The following PDCD11 variants were observed in gnomAD, a reference collection of about 807,000 sequenced individuals.
PDCD11 encodes programmed cell death 11.
In PDCD11, 97 loss-of-function variants were observed where a neutral mutation model predicts 198.9. The observed-to-expected ratio is 0.49, with a 90% confidence interval of 0.41 to 0.58. The LOEUF (loss-of-function observed/expected upper bound fraction) is 0.58. Ranked by LOEUF, PDCD11 falls within the 20% of genes least tolerant of loss-of-function variation. The pLI, the probability that PDCD11 is intolerant of heterozygous loss-of-function variation, is 0.00. For missense variants in PDCD11, 2,102 were observed against 2,312.7 expected, an observed-to-expected ratio of 0.91 and a Z score of 1.87; for synonymous variants, 893 against 918.0, an observed-to-expected ratio of 0.97 and a Z score of 0.49.
At chr10:103,416,111 G>A (rs971168916) in intron 12 of PDCD11, among the ~76,000 whole-genome samples, 1 of 152,144 alleles carries the variant, frequency 6.6e-6, no homozygotes, top group Non-Finnish European at 1.5e-5. Context: ...CTAATAAACG[G>A]CAGTACTAAG....
intron 26 of PDCD11, 130 bp from the exon 27 acceptor site, chr10:103,438,556 A>G: frequency 8.0e-7 from 1 of 1,246,820 alleles, no homozygotes; most frequent in East Asian, 2.4e-5. Context: ...GTTGGGCTCT[A>G]AAGGTTATAT....
At position 103,423,149 on chromosome 10, in the gene PDCD11, T is replaced by C; in HGVS notation, c.2647+12T>C. The C allele has an allele frequency of 1.3e-6, 2 of 1,540,168 alleles. No homozygotes were observed. The highest frequency in any genetic ancestry group is 1.7e-6 in the Non-Finnish European group (2 of 1,144,056). On this transcript the variant is annotated intron_variant, in intron 18 of 35. Transcript: ENST00000369797. ...ATACCATCGCGCAGGTGAGTGCTTC[T>C]GTCTTACCCATTGTGGTTGGTGGGA...
chr10:103,402,517 C>T (rs988592958), intron 3 of PDCD11, among the ~76,000 whole-genome samples: 1 of 152,018 alleles, frequency 6.6e-6, no homozygotes, highest in Non-Finnish European at 1.5e-5. Flanking sequence ...CAGTTCATTG[C>T]AACCTCCACC....
chr10:103,397,800 G>A (rs2093445115), intron 1 of PDCD11, among the ~76,000 whole-genome samples: 1 of 152,208 alleles, frequency 6.6e-6, no homozygotes, highest in Non-Finnish European at 1.5e-5. Flanking sequence ...TAATTCCTCA[G>A]AGACAACAGC....
Position 103,423,594 on chromosome 10 carries a change from A to C in PDCD11, c.2699A>C (p.Asp900Ala). The C allele has an allele frequency of 6.2e-7, 1 of 1,614,072 alleles. No homozygotes were observed. Among genetic ancestry groups the C allele is most frequent in the Non-Finnish European group, 8.5e-7 (1 of 1,179,984 alleles). The change falls in exon 19 of 36, where the codon GAT becomes GCT. Residue 900 changes from aspartate (D) to alanine (A), a missense_variant. Asp to Ala is a moderately radical substitution (Grantham distance 126). Transcript: ENST00000369797. ...QKKKVVILNV[D>A]LLKLEVHVSL... ...AAGAAGGTTGTTATCTTAAATGTTG[A>C]TCTTTTGAAGTTGGAAGTGCACGTT...
At chr10:103,420,164 C>T (rs1224436752) in intron 16 of PDCD11, among the ~76,000 whole-genome samples, 2 of 151,876 alleles carry the variant, frequency 1.3e-5, no homozygotes, top group Admixed American at 6.6e-5. Context: ...CATAAAGGCA[C>T]CTGGGAGGGG....
In PDCD11 at chr10:103,443,966, G is replaced by A; in HGVS notation, c.5176G>A (p.Ala1726Thr). 3 of 1,614,196 alleles carry A rather than the reference G, an allele frequency of 1.9e-6. No individual in the cohort carries two copies. The highest frequency in any genetic ancestry group is 2.5e-6 in the Non-Finnish European group (3 of 1,180,030). ...RMLKRFRQEK[A>T]VWIKYGAFLL... ...GCTGAAGCGTTTCCGGCAGGAGAAAGCTGTGTGGATCAAATACGGCGCCTT... is the reference window on the plus strand; with the variant it reads ...GCTGAAGCGTTTCCGGCAGGAGAAAACTGTGTGGATCAAATACGGCGCCTT... Residue 1726 changes from alanine (A) to threonine (T), a missense_variant, in exon 34 of 36, where the codon GCT (alanine) becomes ACT (threonine). Ala to Thr is a moderately conservative substitution (Grantham distance 58, BLOSUM62 0). Transcript: ENST00000369797.
At chr10:103,427,002 G>C (rs1300419222) in intron 20 of PDCD11, among the ~76,000 whole-genome samples, 1 of 152,078 alleles carries the variant, frequency 6.6e-6, no homozygotes, top group African/African-American at 2.4e-5. Context: ...CCAGCTACTT[G>C]GGAGGCTGAG....
At chr10:103,434,173 GA>G (rs2032050770) in intron 23 of PDCD11, 74 bp from the exon 24 acceptor site, 2 of 1,224,208 alleles carry the variant, frequency 1.6e-6, no homozygotes, top group African/African-American at 1.5e-5. Flanking sequence ...ACTTGCTTTG[GA>G]GACTTAAATG....
intron 20 of PDCD11, among the ~76,000 whole-genome samples, chr10:103,426,833 T>C (rs2031715502): frequency 6.7e-6 from 1 of 150,174 alleles, no homozygotes; most frequent in Non-Finnish European, 1.5e-5. Context: ...GGCTGAACCC[T>C]GTAATCCCAG....
chr10:103,400,217 G>GCC (rs146704197), intron 2 of PDCD11, among the ~76,000 whole-genome samples, 180 bp from the exon 3 acceptor site: 16 of 127,478 alleles, frequency 1.3e-4, no homozygotes, highest in Admixed American at 4.0e-4. Flanking sequence ...AACATTGGCG[G>GCC]CCCCCCCCCT....
At chr10:103,440,950 C>A in intron 30 of PDCD11, 100 bp downstream of exon 30, 3 of 832,412 alleles carry the variant, frequency 3.6e-6, no homozygotes, top group Admixed American at 2.9e-5. Flanking sequence ...CTATAAAATA[C>A]GAAAGCAGGG....
In PDCD11 at chr10:103,444,671, G is replaced by C. The variant is rs766163402; in HGVS notation, c.5433G>C (p.Gln1811His). The change falls in exon 35 of 36, where the codon CAG becomes CAC. Residue 1811 changes from glutamine (Q) to histidine (H), a missense_variant. Transcript: ENST00000369797. ...ACATGACCATCAAGCACGGCAGCCA[G>C]AAGGACGTCCGGTGAGTGGGGCAGC... ...YIDMTIKHGS[Q>H]KDVRDIFERV... The C allele has an allele frequency of 1.9e-6, 3 of 1,613,856 alleles. No individual in the cohort carries two copies. The highest frequency in any genetic ancestry group is 2.5e-6 in the Non-Finnish European group (3 of 1,180,016).
intron 22 of PDCD11, 70 bp downstream of exon 22, chr10:103,432,304 G>C: frequency 8.9e-7 from 1 of 1,119,606 alleles, no homozygotes. Flanking sequence ...ACGTTGGAGA[G>C]AAAAGCCATT....
intron 13 of PDCD11, 85 bp downstream of exon 13, chr10:103,416,827 CT>C: frequency 6.8e-7 from 1 of 1,469,306 alleles, no homozygotes; most frequent in South Asian, 1.2e-5. Context: ...GTGGGGCTGC[CT>C]TTAGGAGGCT....
chr10:103,422,089 T>TTATTAC (rs2031472043), intron 17 of PDCD11, among the ~76,000 whole-genome samples: 1 of 146,664 alleles, frequency 6.8e-6, no homozygotes, highest in Non-Finnish European at 1.5e-5. Context: ...ATTATTATTA[T>TTATTAC]TATTATTATT....
At chr10:103,434,615 A>G in intron 24 of PDCD11, 183 bp from the exon 25 acceptor site, 1 of 595,694 alleles carries the variant, frequency 1.7e-6, no homozygotes, top group Non-Finnish European at 2.9e-6. Context: ...GTTGTCCACC[A>G]CTTGGCCCTG....
chr10:103,399,335 C>T (rs1265757709), intron 2 of PDCD11, among the ~76,000 whole-genome samples: 1 of 152,022 alleles, frequency 6.6e-6, no homozygotes, highest in East Asian at 1.9e-4. Flanking sequence ...CAGGTGTGAG[C>T]CACTGCACCC....
Position 103,438,062 on chromosome 10 carries a change from G to A in PDCD11, c.3893G>A (p.Arg1298Gln), listed in dbSNP as rs751376143. 3.7e-6 allele frequency: 6 copies of A among 1,613,370 alleles called. No homozygotes were observed. The East Asian group carries it at 8.9e-5, about 24-fold the overall frequency. ...GACAACGTATTGACTTTGTCGCTGC[G>A]ATCATCCAGGTGGGTTTCTGTGTTG... The part of the protein sequence containing the change: ...TADNVLTLSL[R>Q]SSRTNPETKS... Residue 1298 changes from arginine (R) to glutamine (Q), a missense_variant, in exon 26 of 36, where the codon CGA becomes CAA. Coordinates refer to ENST00000369797, the MANE Select transcript of PDCD11 (RefSeq NM_014976.2).
Sources: gnomAD v4.1 joint callset for allele counts (sites outside exome capture counted in the v4.1 genomes callset) on GRCh38, gnomAD v4.1.1 for gene constraint, MANE v1.5 for transcripts, NCBI Gene and HGNC (gene_info 2026-07-23, HGNC 2026-07-21) for gene names.